The following MAML3 variants were observed in gnomAD, a reference collection of about 807,000 sequenced individuals.
MAML3 encodes the protein mastermind like transcriptional coactivator 3, also known as mastermind-like protein 3.
In MAML3, 27 loss-of-function variants were observed where a neutral mutation model predicts 101.9. The observed-to-expected ratio is 0.27, with a 90% CI of 0.20 to 0.37. The LOEUF (loss-of-function observed/expected upper bound fraction) is 0.37. Ranked by LOEUF, MAML3 falls within the 10% of genes least tolerant of loss-of-function variation. The pLI is 1.00. For missense variants in MAML3, 1,316 were observed against 1,444.9 expected, an observed-to-expected ratio of 0.91 and a Z score of 1.45; for synonymous variants, 501 against 555.9, an observed-to-expected ratio of 0.90 and a Z score of 1.39.
At chr4:140,075,466 TA>T in intron 1 of MAML3, among the ~76,000 whole-genome samples, 1 of 152,258 alleles carries the variant, frequency 6.6e-6, no homozygotes, top group East Asian at 1.9e-4. Flanking sequence ...TAGAGCGTTA[TA>T]AAGAACATAT....
intron 2 of MAML3, among the ~76,000 whole-genome samples, chr4:139,732,486 A>T (rs762376009): frequency 6.6e-6 from 1 of 152,214 alleles, no homozygotes; most frequent in Non-Finnish European, 1.5e-5. Flanking sequence ...CCTAGAAACA[A>T]TCACCCAAGA....
intron 1 of MAML3, among the ~76,000 whole-genome samples, chr4:140,130,085 T>C (rs774993305): frequency 6.6e-6 from 1 of 152,120 alleles, no homozygotes; most frequent in Non-Finnish European, 1.5e-5. Context: ...ACAGACATAA[T>C]TGAAAGATAA....
rs1224826572 is a variant in MAML3, at chr4:139,990,235, G to A, written c.469-99268C>T. On this transcript the variant is annotated intron_variant, in intron 1 of 4. Coordinates refer to ENST00000509479, the MANE Select transcript of MAML3 (RefSeq NM_018717.5). ...GTGGGCTTCATTCCTGGGATGCAAG[G>A]CTGGTTCAATATACGCAAATCAATA... is the stretch of plus-strand genomic sequence containing the variant. 3.9e-5 allele frequency among the ~76,000 whole-genome samples: 6 copies of A among 152,280 alleles called. No individual in the cohort carries two copies. In the East Asian group the frequency reaches 1.2e-3, roughly 29 times the overall value.
At position 139,857,595 on chromosome 4, in the gene MAML3, C is replaced by T. The variant is rs28692661; in HGVS notation, c.2079+31762G>A. On this transcript the variant is annotated intron_variant, in intron 2 of 4. Coordinates refer to ENST00000509479, the MANE Select transcript of MAML3 (RefSeq NM_018717.5). ...AATCAAGTAGCTATTTGGCCTATGA[C>T]CACCTCCAGTGACAAGGACTTCATT... Among the ~76,000 whole-genome samples the T allele has an allele frequency of 2.9e-3, 449 of 152,308 alleles. 4 individuals are homozygous for T. The highest frequency in any genetic ancestry group is 0.017 in the Middle Eastern group (5 of 294).
intron 1 of MAML3, among the ~76,000 whole-genome samples, chr4:139,922,801 C>T (rs1232819206): frequency 2.0e-5 from 3 of 152,166 alleles, no homozygotes; most frequent in Admixed American, 2.0e-4. Context: ...GGAATTTTGC[C>T]AAATCCTTGT....
intron 1 of MAML3, among the ~76,000 whole-genome samples, chr4:139,964,840 T>C (rs575664426): frequency 3.3e-5 from 5 of 152,306 alleles, no homozygotes; most frequent in African/African-American, 1.2e-4. Flanking sequence ...TGCTGGCAAA[T>C]AGCTAACAAC....
intron 3 of MAML3, 144 bp downstream of exon 3, chr4:139,730,271 TC>T: frequency 1.4e-6 from 1 of 722,684 alleles, no homozygotes; most frequent in Non-Finnish European, 2.3e-6. Context: ...TCTAAATTCT[TC>T]AGGTTCTCTT....
intron 1 of MAML3, among the ~76,000 whole-genome samples, chr4:140,145,845 G>A (rs981540441): frequency 2.7e-5 from 4 of 149,346 alleles, no homozygotes; most frequent in African/African-American, 9.9e-5. Flanking sequence ...TTACATGCAT[G>A]AGCCACTGCG....
chr4:140,002,353 A>T (rs916347773), intron 1 of MAML3, among the ~76,000 whole-genome samples: 1 of 152,074 alleles, frequency 6.6e-6, no homozygotes, highest in Non-Finnish European at 1.5e-5. Flanking sequence ...TCTCTACCTG[A>T]TGTCTGCCCT....
intron 1 of MAML3, among the ~76,000 whole-genome samples, chr4:140,031,956 G>A (rs896421470): frequency 6.6e-6 from 1 of 152,170 alleles, no homozygotes; most frequent in African/African-American, 2.4e-5. Context: ...TTCAGCAACT[G>A]GAACTAACTT....
At chr4:139,954,525 A>G (rs1399382015) in intron 1 of MAML3, among the ~76,000 whole-genome samples, 1 of 152,182 alleles carries the variant, frequency 6.6e-6, no homozygotes, top group Non-Finnish European at 1.5e-5. Flanking sequence ...GAATGCACGG[A>G]GTGGGGAATA....
In MAML3 at chr4:139,889,407, C is replaced by T. The variant is rs777969780; in HGVS notation, c.2029G>A (p.Gly677Arg). ...QKRLLLMKQKGVMNQPMAYAA... is the reference protein window; with the variant it reads ...QKRLLLMKQKRVMNQPMAYAA... ...TAAGCCATGGGCTGATTCATCACTC[C>T]TTTCTGCTTCATGAGAAGCAGGCGT... Residue 677 changes from glycine (G) to arginine (R), a missense_variant, in exon 2 of 5, where the codon GGA becomes AGA. Gly to Arg is a moderately radical substitution (Grantham distance 125). Coordinates refer to ENST00000509479, the MANE Select transcript of MAML3 (RefSeq NM_018717.5). 3 of 1,614,040 alleles carry T rather than the reference C, an allele frequency of 1.9e-6. No individual in the cohort carries two copies. The highest frequency in any genetic ancestry group is 1.1e-5 in the South Asian group (1 of 91,082).
chr4:140,125,320 C>T lies in MAML3; in HGVS notation c.468+27540G>A, dbSNP rs142124219. Among the ~76,000 whole-genome samples, 566 of 152,248 alleles carry T rather than the reference C, an allele frequency of 3.7e-3. 1 individual carries two copies. The highest frequency in any genetic ancestry group is 0.013 in the African/African-American group (535 of 41,544). On this transcript the variant is annotated intron_variant, in intron 1 of 4. Coordinates refer to ENST00000509479, the MANE Select transcript of MAML3 (RefSeq NM_018717.5). ...CAGTGGTACATGCCTGTAGTCCCAG[C>T]TACTTGGGAGGCTGAGGCAGGAGGA...
chr4:139,889,334 G>C, intron 2 of MAML3, 23 bp downstream of exon 2: 1 of 1,614,030 alleles, frequency 6.2e-7, no homozygotes, highest in East Asian at 2.2e-5. Flanking sequence ...ACTGCTCGAA[G>C]AGTGTGTCAC....
intron 1 of MAML3, among the ~76,000 whole-genome samples, chr4:140,004,920 A>G (rs896602874): frequency 1.3e-5 from 2 of 152,196 alleles, no homozygotes; most frequent in African/African-American, 4.8e-5. Flanking sequence ...TCAACTACCA[A>G]AAACCAAACA....
At chr4:139,822,677 T>C (rs1183463119) in intron 2 of MAML3, among the ~76,000 whole-genome samples, 1 of 152,194 alleles carries the variant, frequency 6.6e-6, no homozygotes, top group Non-Finnish European at 1.5e-5. Context: ...ATCAAGATGT[T>C]AGCAGGATGG....
intron 2 of MAML3, among the ~76,000 whole-genome samples, chr4:139,862,605 A>G (rs925988819): frequency 1.3e-5 from 2 of 152,112 alleles, no homozygotes; most frequent in Non-Finnish European, 2.9e-5. Context: ...CTCCCCAGAC[A>G]TGTGCTGGGT....
intron 2 of MAML3, among the ~76,000 whole-genome samples, chr4:139,856,605 G>T (rs906359567): frequency 6.6e-6 from 1 of 152,170 alleles, no homozygotes; most frequent in Admixed American, 6.5e-5. Context: ...GTCTCTTGTC[G>T]AACTTCTGTG....
At chr4:140,151,315 G>A (rs1578711876) in intron 1 of MAML3, among the ~76,000 whole-genome samples, 3 of 152,020 alleles carry the variant, frequency 2.0e-5, no homozygotes, top group African/African-American at 4.8e-5. Flanking sequence ...GAGCGCCCCC[G>A]GAGAACTGGG....
Sources: gnomAD v4.1 joint callset for allele counts (sites outside exome capture counted in the v4.1 genomes callset) on GRCh38, gnomAD v4.1.1 for gene constraint, MANE v1.5 for transcripts, NCBI Gene and HGNC (gene_info 2026-07-23, HGNC 2026-07-21) for gene names.